RALYL: variants seen among roughly 807,000 people sequenced by gnomAD.
The protein encoded by RALYL is RNA-binding Raly-like protein.
In RALYL, 29 loss-of-function variants were observed where a neutral mutation model predicts 35.1. The observed-to-expected ratio is 0.83, with a 90% CI of 0.61 to 1.13. The LOEUF (loss-of-function observed/expected upper bound fraction) is 1.13, where lower values mean the gene tolerates loss of function less well. Ranked by LOEUF, RALYL falls within the 50% of genes most tolerant of loss-of-function variation. RALYL has a pLI of 0.00. For missense variants in RALYL, 359 were observed against 360.4 expected (o/e 1.00, Z 0.03); for synonymous variants, 120 against 127.6 (o/e 0.94, Z 0.40).
At chr8:84,597,020 G>T (rs964190470) in intron 2 of RALYL, among the ~76,000 whole-genome samples, 7 of 152,090 alleles carry the variant, frequency 4.6e-5, no homozygotes, top group African/African-American at 1.7e-4. Flanking sequence ...AGATTCAACA[G>T]AATATATGCT....
intron 2 of RALYL, among the ~76,000 whole-genome samples, chr8:84,620,198 T>G (rs1820992084): frequency 6.6e-6 from 1 of 152,202 alleles, no homozygotes; most frequent in African/African-American, 2.4e-5. Context: ...TTTTCCAACT[T>G]GGTTCCATTC....
At chr8:84,278,044 C>T (rs1172388978) in intron 1 of RALYL, among the ~76,000 whole-genome samples, 11 of 152,238 alleles carry the variant, frequency 7.2e-5, no homozygotes, top group Admixed American at 7.2e-4. Flanking sequence ...GGCTCCAACC[C>T]CACATTCCCT....
At chr8:84,852,181 G>A (rs1452635698) in intron 5 of RALYL, among the ~76,000 whole-genome samples, 2 of 152,112 alleles carry the variant, frequency 1.3e-5, no homozygotes, top group Admixed American at 6.5e-5. Context: ...GGAGCTATGC[G>A]ATTCCTACTT....
At chr8:84,790,612 T>C (rs1820547634) in intron 3 of RALYL, among the ~76,000 whole-genome samples, 2 of 152,214 alleles carry the variant, frequency 1.3e-5, no homozygotes, top group African/African-American at 4.8e-5. Context: ...ATATCCCAGT[T>C]AATGCTACAA....
intron 1 of RALYL, among the ~76,000 whole-genome samples, chr8:84,243,973 T>C (rs1374117212): frequency 6.6e-6 from 1 of 152,184 alleles, no homozygotes; most frequent in Non-Finnish European, 1.5e-5. Context: ...TGTAAATGAA[T>C]ATAGGTTTCT....
intron 1 of RALYL, among the ~76,000 whole-genome samples, chr8:84,449,078 G>GCT (rs1243397240): frequency 1.6e-5 from 2 of 124,248 alleles, no homozygotes; most frequent in South Asian, 2.8e-4. Context: ...TAGTTTTTTT[G>GCT]TTTTTTTTTT....
At chr8:84,803,770 GAAATA>G (rs1207201863) in intron 3 of RALYL, among the ~76,000 whole-genome samples, 2 of 152,132 alleles carry the variant, frequency 1.3e-5, no homozygotes, top group African/African-American at 4.8e-5. Flanking sequence ...TACACAGAAT[GAAATA>G]GAGACAAAAA....
At chr8:84,545,240 A>G (rs776991704) in intron 2 of RALYL, among the ~76,000 whole-genome samples, 25 of 152,222 alleles carry the variant, frequency 1.6e-4, no homozygotes, top group African/African-American at 5.8e-4. Context: ...AAATTTCCGT[A>G]AGCAACCAGT....
chr8:84,552,345 T>C (rs2060786295), intron 2 of RALYL, among the ~76,000 whole-genome samples: 1 of 75,874 alleles, frequency 1.3e-5, no homozygotes, highest in South Asian at 3.6e-4. Flanking sequence ...TGTGTATATA[T>C]ATATATATAT....
At chr8:84,337,516 A>G (rs1356257711) in intron 1 of RALYL, among the ~76,000 whole-genome samples, 1 of 152,128 alleles carries the variant, frequency 6.6e-6, no homozygotes, top group South Asian at 2.1e-4. Context: ...TAATGTCTAT[A>G]CATGGCTACA....
chr8:84,572,599 C>A (rs1019667259), intron 2 of RALYL, among the ~76,000 whole-genome samples: 3 of 151,770 alleles, frequency 2.0e-5, no homozygotes, highest in Non-Finnish European at 4.4e-5. Flanking sequence ...CATTTCAATT[C>A]TCACCACTCT....
intron 2 of RALYL, among the ~76,000 whole-genome samples, chr8:84,724,338 T>C (rs935226105): frequency 6.6e-6 from 1 of 151,796 alleles, no homozygotes; most frequent in East Asian, 1.9e-4. Flanking sequence ...AAATGACAAC[T>C]TTCATATCTG....
chr8:84,495,435 A>C (rs562126960), intron 1 of RALYL, among the ~76,000 whole-genome samples: 6 of 152,224 alleles, frequency 3.9e-5, no homozygotes, highest in African/African-American at 9.6e-5. Context: ...CAATTGATTT[A>C]AAATTTTTTA....
In RALYL at chr8:84,529,509, T is replaced by C. The variant is rs929748393; in HGVS notation, c.188T>C (p.Met63Thr). The C allele has an allele frequency of 2.2e-5, 36 of 1,613,302 alleles. 1 individual carries two copies. Among genetic ancestry groups the C allele is most frequent in the Non-Finnish European group, 1.9e-5 (22 of 1,179,456 alleles). The change falls in exon 2 of 9, where the codon ATG (methionine) becomes ACG (threonine). Residue 63 changes from methionine (M) to threonine (T), a missense_variant. Transcript: ENST00000521268. The part of the protein sequence containing the change: ...VHKGYAFVQY[M>T]SERHARAAVA... ...AAAGGTTATGCATTTGTACAGTACA[T>C]GAGTGAGCGACATGCAAGAGCTGCA...
intron 2 of RALYL, among the ~76,000 whole-genome samples, chr8:84,712,947 G>C (rs1185709813): frequency 6.6e-6 from 1 of 151,948 alleles, no homozygotes; most frequent in Non-Finnish European, 1.5e-5. Flanking sequence ...TTTCTTTGCT[G>C]TGCAAAATCT....
At chr8:84,820,393 G>A (rs1354709236) in intron 4 of RALYL, among the ~76,000 whole-genome samples, 1 of 152,118 alleles carries the variant, frequency 6.6e-6, no homozygotes, top group African/African-American at 2.4e-5. Context: ...TCACTCATGG[G>A]AAAGAACTAA....
chr8:84,481,578 T>C (rs913800181), intron 1 of RALYL, among the ~76,000 whole-genome samples: 7 of 152,166 alleles, frequency 4.6e-5, no homozygotes, highest in African/African-American at 1.7e-4. Flanking sequence ...TCTGAATATC[T>C]ATGAGACAAT....
intron 8 of RALYL, among the ~76,000 whole-genome samples, chr8:84,896,275 C>A (rs1283843263): frequency 6.6e-6 from 1 of 152,158 alleles, no homozygotes; most frequent in Non-Finnish European, 1.5e-5. Context: ...CTGTCCCCAG[C>A]TCTAAACTGC....
chr8:84,506,853 C>T (rs375488820), intron 1 of RALYL, among the ~76,000 whole-genome samples: 3 of 151,856 alleles, frequency 2.0e-5, no homozygotes, highest in East Asian at 3.9e-4. Context: ...TTTAAATTTT[C>T]CAGATAACAG....
Sources: allele counts gnomAD v4.1 joint callset (sites outside exome capture counted in the v4.1 genomes callset), GRCh38; gene constraint gnomAD v4.1.1; transcripts MANE v1.5; gene names NCBI Gene and HGNC (gene_info 2026-07-23, HGNC 2026-07-21).